ZBBX: variants seen among roughly 807,000 people sequenced by gnomAD.
The protein encoded by ZBBX is zinc finger B-box domain containing.
A neutral mutation model predicts 108.5 loss-of-function variants in ZBBX; 101 were observed. The observed-to-expected ratio is 0.93, with a 90% CI of 0.79 to 1.10. ZBBX has a LOEUF of 1.10. ZBBX is among the 50% of genes least tolerant of loss of function. The pLI, the probability that ZBBX is intolerant of heterozygous loss-of-function variation, is 0.00. For synonymous variants in ZBBX, 356 were observed against 323.4 expected, an observed-to-expected ratio of 1.10 and a Z score of -1.08; for missense variants, 1,009 against 941.4, an observed-to-expected ratio of 1.07 and a Z score of -0.94.
At chr3:167,214,296 G>C in the ZBBX span, among the ~76,000 whole-genome samples, 1 of 152,038 alleles carries the variant, frequency 6.6e-6, no homozygotes, top group African/African-American at 2.4e-5. Context: ...AAGTGTTGGA[G>C]AAAAATCAAC....
Position 167,298,378 on chromosome 3 carries a change from T to G in ZBBX, c.1806A>C (p.Thr602=), listed in dbSNP as rs781684935. ...AAGGAAGTAAGTTGAGTCTTTCATT[T>G]GTATCAAAAATAAAGAATCTCTCAA... ...QGLERFFIFD[T]NERLNLLPSH... Residue 602 remains threonine (T), a synonymous_variant, in exon 18 of 22, where the codon ACA becomes ACC. Transcript: ENST00000675490. The G allele has an allele frequency of 3.1e-6, 5 of 1,600,332 alleles. No individual in the cohort carries two copies. In the Admixed American group the frequency reaches 5.1e-5, roughly 16 times the overall value.
chr3:167,204,999 G>GA, the ZBBX span, among the ~76,000 whole-genome samples: 249 of 151,946 alleles, frequency 1.6e-3, 1 homozygote, highest in African/African-American at 4.8e-3. Flanking sequence ...AGAAGAGAAG[G>GA]AAAAAAATGA....
chr3:167,293,827 G>T (rs575002489), intron 18 of ZBBX, among the ~76,000 whole-genome samples: 6 of 152,270 alleles, frequency 3.9e-5, no homozygotes, highest in African/African-American at 1.2e-4. Context: ...TCCTTAAGCT[G>T]ATAAGCAACT....
intron 20 of ZBBX, among the ~76,000 whole-genome samples, 162 bp downstream of exon 20, chr3:167,282,076 A>G (rs1728901334): frequency 6.6e-6 from 1 of 152,196 alleles, no homozygotes; most frequent in South Asian, 2.1e-4. Flanking sequence ...TCAGAGTGAT[A>G]TCGGGGATTT....
intron 1 of ZBBX, among the ~76,000 whole-genome samples, chr3:167,404,215 C>T (rs374514668): frequency 1.4e-4 from 21 of 151,874 alleles, no homozygotes; most frequent in African/African-American, 4.4e-4. Context: ...AAATGGAATT[C>T]GTTAAAAAAA....
rs532954890 is a variant in ZBBX, at chr3:167,240,043, G to C, written c.*750C>G. On this transcript the variant is annotated 3_prime_UTR_variant, in exon 22 of 22. Coordinates refer to ENST00000675490, the MANE Select transcript of ZBBX (RefSeq NM_001199201.2). ...TCATTATCACGAGAACAGCAGCATA[G>C]GGGTAACTGCCCCCATGATTCAATT... Among the ~76,000 whole-genome samples the C allele has an allele frequency of 4.5e-4, 69 of 152,146 alleles. 1 individual carries two copies. The highest frequency in any genetic ancestry group is 1.6e-3 in the African/African-American group (66 of 41,526).
chr3:167,189,617 T>C, the ZBBX span, among the ~76,000 whole-genome samples: 1 of 152,174 alleles, frequency 6.6e-6, no homozygotes, highest in Non-Finnish European at 1.5e-5. Context: ...CATACAGACG[T>C]ATACATTTTT....
At chr3:167,244,639 C>A (rs1721247203) in intron 20 of ZBBX, among the ~76,000 whole-genome samples, 1 of 151,994 alleles carries the variant, frequency 6.6e-6, no homozygotes, top group Admixed American at 6.5e-5. Flanking sequence ...TCATAACAAC[C>A]CTATTGTAGG....
At chr3:167,364,131 T>A (rs1056179222) in intron 6 of ZBBX, among the ~76,000 whole-genome samples, 2 of 151,652 alleles carry the variant, frequency 1.3e-5, no homozygotes, top group Non-Finnish European at 2.9e-5. Flanking sequence ...GATTGTCAAG[T>A]GCATTGTAGG....
rs192317114 is a variant in ZBBX, at chr3:167,345,118, C to T, written c.528+5302G>A. Among the ~76,000 whole-genome samples the T allele has an allele frequency of 4.5e-4, 68 of 151,946 alleles. 1 individual carries two copies. The highest frequency in any genetic ancestry group is 1.6e-3 in the Admixed American group (24 of 15,196). On this transcript the variant is annotated intron_variant, in intron 9 of 21. Coordinates refer to ENST00000675490, the MANE Select transcript of ZBBX (RefSeq NM_001199201.2). Reference sequence around the variant, plus strand: ...TTTTGCCCTAAAATACAGTTTTACGCTATTTCAGGAGCTTAATCAAACCAC... The same window carrying T: ...TTTTGCCCTAAAATACAGTTTTACGTTATTTCAGGAGCTTAATCAAACCAC...
intron 11 of ZBBX, among the ~76,000 whole-genome samples, chr3:167,323,771 T>A (rs1454634614): frequency 6.6e-6 from 1 of 152,038 alleles, no homozygotes; most frequent in African/African-American, 2.4e-5. Context: ...GCCTAAAGTA[T>A]GTGAAGAACG....
At chr3:167,247,977 ATC>A (rs1376133453) in intron 20 of ZBBX, among the ~76,000 whole-genome samples, 5 of 152,136 alleles carry the variant, frequency 3.3e-5, no homozygotes, top group Non-Finnish European at 5.9e-5. Flanking sequence ...AATGGCTTTT[ATC>A]TCTTTCTTTA....
In ZBBX at chr3:167,259,600, A is replaced by G. The variant is rs553180291; in HGVS notation, c.2255-16957T>C. ...TTTGTGCTCTTTCAGTCTTTTTGAT[A>G]TAGGCGTTCAGGGCTATGAACTTTC... On this transcript the variant is annotated intron_variant, in intron 20 of 21. Coordinates refer to ENST00000675490, the MANE Select transcript of ZBBX (RefSeq NM_001199201.2). Among the ~76,000 whole-genome samples the G allele has an allele frequency of 5.9e-5, 9 of 152,110 alleles. No homozygotes were observed. The East Asian group carries it at 1.6e-3, about 26-fold the overall frequency.
intron 17 of ZBBX, among the ~76,000 whole-genome samples, chr3:167,300,826 C>T (rs1732528103): frequency 6.6e-6 from 1 of 151,746 alleles, no homozygotes; most frequent in African/African-American, 2.4e-5. Context: ...CCATGTTGGC[C>T]AGGCTGGTCT....
rs1577026634 is a variant in ZBBX at position 167,333,988 on chromosome 3, A to G, written c.529-3T>C. 2 of 1,514,290 alleles carry G rather than the reference A, an allele frequency of 1.3e-6. No individual in the cohort carries two copies. The highest frequency in any genetic ancestry group is 4.7e-5 in the East Asian group (2 of 42,806). 93.8% of individuals were successfully genotyped at this position (1,514,290 alleles called of 1,614,324 possible). ...TTGAATAATATTTGAGATTTTGCCT[A>G]TTAAAAAAGTAACAATATAATTAAA... On this transcript the variant is annotated splice_region_variant and splice_polypyrimidine_tract_variant and intron_variant, in intron 9 of 21. Coordinates refer to ENST00000675490, the MANE Select transcript of ZBBX (RefSeq NM_001199201.2).
rs200854406 is a variant in ZBBX, at chr3:167,298,329, A to T, written c.1855T>A (p.Ser619Thr). 1.4e-4 allele frequency: 228 copies of T among 1,597,566 alleles called. 3 individuals carry two copies. The East Asian group carries it at 5.1e-3, about 36-fold the overall frequency. ...CCTGCAAGTGTAATCCTAGTACTGGAATTGTTGCATTCTAAACGATGAGAA... is the reference window on the plus strand; with the variant it reads ...CCTGCAAGTGTAATCCTAGTACTGGTATTGTTGCATTCTAAACGATGAGAA... ...LPSHRLECNN[S>T]STRITLAEDR... Residue 619 changes from serine to threonine, a missense_variant, in exon 18 of 22, where the codon TCC (serine) becomes ACC (threonine). Physicochemically the swap from Ser to Thr is moderately conservative, Grantham distance 58 (BLOSUM62 1). Transcript: ENST00000675490.
At chr3:167,370,154 C>A (rs1342487253) in intron 4 of ZBBX, among the ~76,000 whole-genome samples, 1 of 152,138 alleles carries the variant, frequency 6.6e-6, no homozygotes, top group Non-Finnish European at 1.5e-5. Context: ...AGAAGCAAGA[C>A]AACCAATTAG....
intron 1 of ZBBX, among the ~76,000 whole-genome samples, chr3:167,393,300 C>A (rs1474193816): frequency 6.6e-6 from 1 of 151,784 alleles, no homozygotes; most frequent in Non-Finnish European, 1.5e-5. Flanking sequence ...GTTATTTAAG[C>A]CACTATATTT....
At chr3:167,375,074 GATTTA>G (rs781072470) in intron 2 of ZBBX, among the ~76,000 whole-genome samples, 1 of 152,164 alleles carries the variant, frequency 6.6e-6, no homozygotes, top group African/African-American at 2.4e-5. Context: ...AGTCTAATGG[GATTTA>G]GCAGGGAAAA....
Sources: allele counts gnomAD v4.1 joint callset (sites outside exome capture counted in the v4.1 genomes callset), GRCh38; gene constraint gnomAD v4.1.1; transcripts MANE v1.5; gene names NCBI Gene and HGNC (gene_info 2026-07-23, HGNC 2026-07-21).